FAM163A: variants seen among roughly 807,000 people sequenced by gnomAD.
FAM163A encodes protein FAM163A.
Under a neutral mutation model 12.0 loss-of-function variants are expected in FAM163A, and 7 were observed. That is an observed-to-expected ratio of 0.58 (90% CI 0.33 to 1.10). FAM163A has a LOEUF of 1.10. Ranked by LOEUF, FAM163A falls within the 50% of genes least tolerant of loss-of-function variation. The pLI is 0.03. For synonymous variants in FAM163A, 101 were observed against 91.0 expected (o/e 1.11, Z -0.62); for missense variants, 202 against 218.6 (o/e 0.92, Z 0.48).
upstream of FAM163A, among the ~76,000 whole-genome samples, chr1:179,738,616 C>T (rs1683269509): frequency 6.6e-6 from 1 of 152,086 alleles, no homozygotes; most frequent in Admixed American, 6.6e-5. Context: ...GAAAAAATCA[C>T]ATGGCTATAC....
chr1:179,761,844 C>T (rs1250277994), intron 1 of FAM163A, among the ~76,000 whole-genome samples: 2 of 151,610 alleles, frequency 1.3e-5, no homozygotes, highest in Admixed American at 1.3e-4. Flanking sequence ...TTTGCATCAG[C>T]TATTGAGTAT....
At chr1:179,786,869 C>G (rs1365399908) in intron 1 of FAM163A, among the ~76,000 whole-genome samples, 1 of 152,138 alleles carries the variant, frequency 6.6e-6, no homozygotes, top group Non-Finnish European at 1.5e-5. Flanking sequence ...GACCCAGGAG[C>G]CGAGGCCCTT....
At chr1:179,731,842 A>T in the FAM163A span, among the ~76,000 whole-genome samples, 4,999 of 152,308 alleles carry the variant, frequency 0.033, 95 homozygotes, top group Middle Eastern at 0.071. Context: ...ATATTACATC[A>T]TTGTAGAGGG....
intron 1 of FAM163A, among the ~76,000 whole-genome samples, chr1:179,801,543 C>T (rs1693178627): frequency 6.6e-6 from 1 of 152,186 alleles, no homozygotes; most frequent in Admixed American, 6.5e-5. Flanking sequence ...ATCACCCTCC[C>T]CCCATTTTCC....
chr1:179,777,799 C>G (rs1359512183), intron 1 of FAM163A, among the ~76,000 whole-genome samples: 3 of 152,158 alleles, frequency 2.0e-5, no homozygotes, highest in Non-Finnish European at 2.9e-5. Context: ...AAACTAAGCT[C>G]CTCCACACTG....
chr1:179,759,745 C>A (rs1370874884), intron 1 of FAM163A, among the ~76,000 whole-genome samples: 3 of 152,220 alleles, frequency 2.0e-5, no homozygotes, highest in Middle Eastern at 3.4e-3. Context: ...TGTCTCACTG[C>A]AACCTCTGCC....
At chr1:179,795,267 A>C (rs567041021) in intron 1 of FAM163A, among the ~76,000 whole-genome samples, 15 of 152,338 alleles carry the variant, frequency 9.8e-5, no homozygotes, top group East Asian at 3.9e-4. Flanking sequence ...ATTCTGGTAC[A>C]TACTATCAAA....
At chr1:179,805,544 C>CA (rs201616237) in intron 1 of FAM163A, among the ~76,000 whole-genome samples, 2,635 of 127,072 alleles carry the variant, frequency 0.021, 42 homozygotes, top group African/African-American at 0.049. Flanking sequence ...AACTCCGTCT[C>CA]AAAAAAAAAA....
At chr1:179,735,860 A>C in the FAM163A span, among the ~76,000 whole-genome samples, 1 of 152,186 alleles carries the variant, frequency 6.6e-6, no homozygotes, top group African/African-American at 2.4e-5. Context: ...TCGCACTTGC[A>C]TGGGCTGGAT....
intron 2 of FAM163A, among the ~76,000 whole-genome samples, chr1:179,810,433 G>A (rs992048114): frequency 1.3e-5 from 2 of 152,168 alleles, no homozygotes; most frequent in Non-Finnish European, 2.9e-5. Flanking sequence ...TTCCTTGACC[G>A]GGTTGCAGCC....
chr1:179,815,649 C>G lies in FAM163A; in HGVS notation c.*1460C>G, dbSNP rs1481796827. 1 of 152,244 alleles carries G rather than the reference C, an allele frequency of 6.6e-6. No homozygotes were observed. The highest frequency in any genetic ancestry group is 6.5e-5 in the Admixed American group (1 of 15,280). 9.4% of individuals were successfully genotyped at this position (152,244 alleles called of 1,614,324 possible). On this transcript the variant is annotated 3_prime_UTR_variant, in exon 5 of 5. Transcript: ENST00000341785. ...AGAATCCTGATGAGTTTTCCAGTGG[C>G]CTCTGCAGAAGCTGGCCCCCTTCTA...
At chr1:179,741,288 AT>A (rs1683607011), upstream of FAM163A, among the ~76,000 whole-genome samples, 2 of 152,252 alleles carry the variant, frequency 1.3e-5, no homozygotes, top group African/African-American at 4.8e-5. Flanking sequence ...ATAATATTAT[AT>A]TTTGGCAAGG....
the FAM163A span, among the ~76,000 whole-genome samples, chr1:179,728,872 C>A: frequency 1.3e-5 from 2 of 152,178 alleles, no homozygotes; most frequent in Non-Finnish European, 2.9e-5. Context: ...CCAGCTCACT[C>A]CCCGAGACAT....
chr1:179,813,012 T>TC (rs556740505), intron 3 of FAM163A, 64 bp from the exon 4 acceptor site: 29 of 1,463,506 alleles, frequency 2.0e-5, no homozygotes, highest in African/African-American at 2.8e-5. Context: ...CCAGGAAGAC[T>TC]CCCCCCGGCC....
chr1:179,730,934 G>A, the FAM163A span, among the ~76,000 whole-genome samples: 5 of 152,114 alleles, frequency 3.3e-5, no homozygotes, highest in Non-Finnish European at 5.9e-5. Context: ...TAGAGTAAAC[G>A]CTTTTTCTTT....
chr1:179,814,297 T>C lies in FAM163A; in HGVS notation c.*108T>C. The C allele has an allele frequency of 7.0e-7, 1 of 1,419,738 alleles. No homozygotes were observed. The highest frequency in any genetic ancestry group is 9.4e-7 in the Non-Finnish European group (1 of 1,060,594). 87.9% of individuals were successfully genotyped at this position (1,419,738 alleles called of 1,614,324 possible). A position where few individuals can be genotyped will look rare whatever the true frequency, so the allele number is the denominator to read the frequency against. On this transcript the variant is annotated 3_prime_UTR_variant, in exon 5 of 5. Coordinates refer to ENST00000341785, the MANE Select transcript of FAM163A (RefSeq NM_173509.3). Reference sequence around the variant, plus strand: ...CCCACATGGGTTGTTTCTGTTTCTTTGGCTTTTCTCGCTCCGCAGTGGAGG... The same window carrying C: ...CCCACATGGGTTGTTTCTGTTTCTTCGGCTTTTCTCGCTCCGCAGTGGAGG...
intron 1 of FAM163A, among the ~76,000 whole-genome samples, chr1:179,747,454 G>A (rs1684654448): frequency 6.6e-6 from 1 of 152,208 alleles, no homozygotes; most frequent in African/African-American, 2.4e-5. Flanking sequence ...CTGTTGAATA[G>A]CAGAAACAAT....
chr1:179,728,684 A>C, the FAM163A span, among the ~76,000 whole-genome samples: 5 of 152,304 alleles, frequency 3.3e-5, no homozygotes, highest in African/African-American at 1.2e-4. Context: ...AGTGTCTGCC[A>C]AATAGACACA....
rs11580185 is a variant in FAM163A at position 179,764,774 on chromosome 1, C to T, written c.-136+21351C>T. Among the ~76,000 whole-genome samples the T allele has an allele frequency of 5.9e-5, 9 of 152,000 alleles. No individual in the cohort carries two copies. In the South Asian group the frequency reaches 1.9e-3, roughly 32 times the overall value. ...TGCTAGGGTACAAGTCCCAGCTCTG[C>T]AACACATCCCTGTCACCTGGGGCAA... On this transcript the variant is annotated intron_variant, in intron 1 of 4. Coordinates refer to ENST00000341785, the MANE Select transcript of FAM163A (RefSeq NM_173509.3).
Sources: gnomAD v4.1 joint callset for allele counts (sites outside exome capture counted in the v4.1 genomes callset) on GRCh38, gnomAD v4.1.1 for gene constraint, MANE v1.5 for transcripts, NCBI Gene and HGNC (gene_info 2026-07-23, HGNC 2026-07-21) for gene names.